The following EPHA5 variants were observed in gnomAD, a reference collection of about 807,000 sequenced individuals.
The protein encoded by EPHA5 is ephrin type-A receptor 5.
In EPHA5, 60 loss-of-function variants were observed where a neutral mutation model predicts 105.0. The observed-to-expected ratio is 0.57, with a 90% CI of 0.46 to 0.71. EPHA5 has a LOEUF of 0.71. Among genes scored for constraint, EPHA5 ranks in the 30% least tolerant of loss-of-function variants. The pLI, the probability that EPHA5 is intolerant of heterozygous loss-of-function variation, is 0.00. For missense variants in EPHA5, 1,218 were observed against 1,274.7 expected, an observed-to-expected ratio of 0.96 and a Z score of 0.68; for synonymous variants, 513 against 449.1, an observed-to-expected ratio of 1.14 and a Z score of -1.80.
intron 2 of EPHA5, among the ~76,000 whole-genome samples, chr4:65,618,146 T>G (rs1212415973): frequency 6.6e-6 from 1 of 152,116 alleles, no homozygotes; most frequent in Non-Finnish European, 1.5e-5. Context: ...TGTCTTCCAC[T>G]TACCACCAGA....
intron 8 of EPHA5, among the ~76,000 whole-genome samples, chr4:65,382,835 C>CA (rs2148933772): frequency 6.6e-6 from 1 of 151,688 alleles, no homozygotes; most frequent in South Asian, 2.1e-4. Flanking sequence ...ACTCAATAAA[C>CA]ACGTATTGTA....
intron 8 of EPHA5, among the ~76,000 whole-genome samples, chr4:65,398,415 C>G (rs2148974072): frequency 6.6e-6 from 1 of 152,228 alleles, no homozygotes; most frequent in South Asian, 2.1e-4. Context: ...CATGAACAGC[C>G]TGGGTGCTGT....
intron 13 of EPHA5, among the ~76,000 whole-genome samples, chr4:65,349,451 A>G (rs1234769853): frequency 6.6e-6 from 1 of 152,150 alleles, no homozygotes; most frequent in Non-Finnish European, 1.5e-5. Flanking sequence ...AGATAATCAA[A>G]TATTTCATCT....
chr4:65,622,307 T>G (rs1305352630), intron 2 of EPHA5, among the ~76,000 whole-genome samples: 1 of 152,088 alleles, frequency 6.6e-6, no homozygotes, highest in Non-Finnish European at 1.5e-5. Flanking sequence ...AACGGTAAAT[T>G]CATTGCACCA....
At chr4:65,661,745 G>C (rs1373761289) in intron 1 of EPHA5, among the ~76,000 whole-genome samples, 1 of 152,112 alleles carries the variant, frequency 6.6e-6, no homozygotes, top group Non-Finnish European at 1.5e-5. Flanking sequence ...GGCTGAACTG[G>C]TGCCAGCCGG....
rs149942273 is a variant in EPHA5, at chr4:65,550,028, C to T, written c.910+51613G>A. On this transcript the variant is annotated intron_variant, in intron 3 of 16. Transcript: ENST00000613740. ...CAAATTAATATTCTTTTGTAAATGACATCATGTTAAAACATTTGACATTTG... is the reference window on the plus strand; with the variant it reads ...CAAATTAATATTCTTTTGTAAATGATATCATGTTAAAACATTTGACATTTG... Among the ~76,000 whole-genome samples the T allele has an allele frequency of 6.7e-3, 1,012 of 152,048 alleles. 7 individuals are homozygous for T. Among genetic ancestry groups the T allele is most frequent in the Non-Finnish European group, 0.01 (694 of 67,956 alleles).
At chr4:65,331,841 T>C in intron 16 of EPHA5, 132 bp downstream of exon 16, 2 of 1,422,306 alleles carry the variant, frequency 1.4e-6, no homozygotes, top group Non-Finnish European at 1.8e-6. Context: ...AGGCTAAAGA[T>C]GATGAGGCTT....
At chr4:65,416,394 T>C (rs36083887) in intron 6 of EPHA5, among the ~76,000 whole-genome samples, 4,233 of 152,212 alleles carry the variant, frequency 0.028, 76 homozygotes, top group African/African-American at 0.043. Context: ...ATAAAAATAA[T>C]GCATGTACCA....
At chr4:65,384,480 G>T (rs956547971) in intron 8 of EPHA5, among the ~76,000 whole-genome samples, 1 of 151,946 alleles carries the variant, frequency 6.6e-6, no homozygotes, top group African/African-American at 2.4e-5. Flanking sequence ...ATCAAACAAA[G>T]GAAGCCAAAT....
chr4:65,609,715 TAAC>T (rs1744584552), intron 2 of EPHA5, among the ~76,000 whole-genome samples: 1 of 151,858 alleles, frequency 6.6e-6, no homozygotes, highest in African/African-American at 2.4e-5. Flanking sequence ...TTAATTCCTT[TAAC>T]AATTATCCAA....
At position 65,639,792 on chromosome 4, in the gene EPHA5, T is replaced by C. The variant is rs549468293; in HGVS notation, c.246+3571A>G. Among the ~76,000 whole-genome samples the C allele has an allele frequency of 1.6e-4, 24 of 152,142 alleles. 1 individual carries two copies. The highest frequency in any genetic ancestry group is 3.2e-4 in the Non-Finnish European group (22 of 67,992). On this transcript the variant is annotated intron_variant, in intron 2 of 16. Coordinates refer to ENST00000613740, the MANE Select transcript of EPHA5 (RefSeq NM_001281766.3). The stretch of plus-strand genomic sequence containing the variant: ...AATTTTTCTTTCTGTTCCTCAGATT[T>C]GATTATCTCAGTTGTCCTATCTTCA...
intron 5 of EPHA5, among the ~76,000 whole-genome samples, chr4:65,476,914 CA>C (rs1273083601): frequency 2.0e-5 from 3 of 151,808 alleles, no homozygotes; most frequent in African/African-American, 7.3e-5. Flanking sequence ...GCATAAACAA[CA>C]AAAAATTGAT....
At chr4:65,527,127 A>G (rs1189195729) in intron 3 of EPHA5, among the ~76,000 whole-genome samples, 6 of 152,096 alleles carry the variant, frequency 3.9e-5, no homozygotes. Flanking sequence ...GACATTTGGC[A>G]GTATCTGCCT....
chr4:65,512,954 C>T (rs1293824698), intron 3 of EPHA5, among the ~76,000 whole-genome samples: 1 of 151,996 alleles, frequency 6.6e-6, no homozygotes, highest in African/African-American at 2.4e-5. Context: ...AAGCCAGATG[C>T]GTGATGGCTT....
At chr4:65,454,124 TAC>T (rs536413151) in intron 5 of EPHA5, among the ~76,000 whole-genome samples, 164 of 152,082 alleles carry the variant, frequency 1.1e-3, no homozygotes, top group African/African-American at 3.7e-3. Flanking sequence ...CTACTAAAAA[TAC>T]AAAATTAGCC....
intron 5 of EPHA5, among the ~76,000 whole-genome samples, chr4:65,428,306 CAT>C (rs1451846966): frequency 1.3e-5 from 2 of 152,032 alleles, no homozygotes; most frequent in Non-Finnish European, 2.9e-5. Flanking sequence ...TAATACATAA[CAT>C]AAATTTTATA....
intron 5 of EPHA5, among the ~76,000 whole-genome samples, chr4:65,482,867 T>A (rs1730512615): frequency 6.6e-6 from 1 of 152,094 alleles, no homozygotes; most frequent in Non-Finnish European, 1.5e-5. Context: ...GATCTTTTTT[T>A]TTTATTATTA....
At position 65,621,140 on chromosome 4, in the gene EPHA5, T is replaced by A. The variant is rs183520914; in HGVS notation, c.247-18836A>T. ...TCCCCTTAATAAGGATAAAACCTAG[T>A]TTGAATAATGAACACTGCAGGGATA... On this transcript the variant is annotated intron_variant, in intron 2 of 16. Transcript: ENST00000613740. 1.8e-3 allele frequency among the ~76,000 whole-genome samples: 277 copies of A among 152,260 alleles called. 2 individuals carry two copies. Among genetic ancestry groups the A allele is most frequent in the Middle Eastern group, 6.8e-3 (2 of 294 alleles).
chr4:65,398,695 A>G (rs1721503404), intron 8 of EPHA5, among the ~76,000 whole-genome samples: 1 of 152,006 alleles, frequency 6.6e-6, no homozygotes, highest in Admixed American at 6.6e-5. Flanking sequence ...CCTGCCTGCA[A>G]ATAGGAGCTA....
Sources: gnomAD v4.1 joint callset for allele counts (sites outside exome capture counted in the v4.1 genomes callset) on GRCh38, gnomAD v4.1.1 for gene constraint, MANE v1.5 for transcripts, NCBI Gene and HGNC (gene_info 2026-07-23, HGNC 2026-07-21) for gene names.